The following PACRG variants were observed in gnomAD, a reference collection of about 807,000 sequenced individuals.
The protein encoded by PACRG is parkin coregulated, also known as parkin coregulated gene protein.
In PACRG, 29 loss-of-function variants were observed where a neutral mutation model predicts 29.7. That is an observed-to-expected ratio of 0.98 (90% CI 0.73 to 1.33). The LOEUF (loss-of-function observed/expected upper bound fraction) is 1.33. PACRG is among the 40% of genes most tolerant of loss of function. The probability of loss-of-function intolerance (pLI) is 0.00; values close to 1 mark genes in which losing one functional copy is unlikely to be tolerated. For missense variants in PACRG, 279 were observed against 316.2 expected (o/e 0.88, Z 0.89); for synonymous variants, 116 against 118.7 (o/e 0.98, Z 0.15).
In PACRG at chr6:163,228,943, C is replaced by G. The variant is rs371916989; in HGVS notation, c.614-85884C>G. On this transcript the variant is annotated intron_variant, in intron 4 of 4. Coordinates refer to ENST00000366888, the MANE Select transcript of PACRG (RefSeq NM_001080379.2). Reference sequence around the variant, plus strand: ...TGACCAGTTTACTTTCTCCCTGGACCTGAAAATAGGATGGAAGGGAAGTCT... The same window carrying G: ...TGACCAGTTTACTTTCTCCCTGGACGTGAAAATAGGATGGAAGGGAAGTCT... Among the ~76,000 whole-genome samples the G allele has an allele frequency of 2.6e-4, 40 of 152,264 alleles. No individual in the cohort carries two copies. The East Asian group carries it at 3.1e-3, about 12-fold the overall frequency.
intron 3 of PACRG, among the ~76,000 whole-genome samples, chr6:163,082,464 A>C (rs776452010): frequency 6.6e-6 from 1 of 152,222 alleles, no homozygotes. Flanking sequence ...ATTCTGATCT[A>C]TTAAAACACA....
At chr6:163,252,132 TC>T (rs1488487969) in intron 4 of PACRG, among the ~76,000 whole-genome samples, 1 of 152,142 alleles carries the variant, frequency 6.6e-6, no homozygotes, top group African/African-American at 2.4e-5. Context: ...CCTGCCTGCC[TC>T]ACAATTACCC....
chr6:162,831,395 T>C (rs561542478), intron 2 of PACRG, among the ~76,000 whole-genome samples: 4 of 152,346 alleles, frequency 2.6e-5, no homozygotes, highest in Admixed American at 2.6e-4. Context: ...TCTAAATTCT[T>C]GCCCTGGTAG....
chr6:162,829,948 C>G (rs1788607556), intron 2 of PACRG, among the ~76,000 whole-genome samples: 1 of 152,092 alleles, frequency 6.6e-6, no homozygotes, highest in Non-Finnish European at 1.5e-5. Context: ...AAATGGGACC[C>G]TAACACAAAA....
chr6:162,834,093 G>A (rs1033676888), intron 2 of PACRG, among the ~76,000 whole-genome samples: 1 of 152,082 alleles, frequency 6.6e-6, no homozygotes, highest in African/African-American at 2.4e-5. Flanking sequence ...TTTCATAAGA[G>A]ATTTTTCATG....
In PACRG at chr6:162,739,767, G is replaced by A. The variant is rs574948700; in HGVS notation, c.156+11376G>A. The stretch of plus-strand genomic sequence containing the variant: ...TGAGGCAGGGGACTCACTTGAACCC[G>A]GGAGCCAGAGATTGCAGTGAGCTGA... On this transcript the variant is annotated intron_variant, in intron 1 of 4. Transcript: ENST00000366888. 1.3e-4 allele frequency among the ~76,000 whole-genome samples: 19 copies of A among 150,822 alleles called. No homozygotes were observed. In the South Asian group the frequency reaches 1.7e-3, roughly 13 times the overall value.
chr6:163,147,667 A>G (rs956008380), intron 4 of PACRG, among the ~76,000 whole-genome samples: 3 of 152,202 alleles, frequency 2.0e-5, no homozygotes, highest in Non-Finnish European at 4.4e-5. Flanking sequence ...AATAGTTAGC[A>G]AATGTTCCTC....
chr6:163,264,513 C>T (rs537653483), intron 4 of PACRG, among the ~76,000 whole-genome samples: 12 of 152,272 alleles, frequency 7.9e-5, no homozygotes, highest in African/African-American at 2.2e-4. Context: ...AGGTGCCAGC[C>T]GAAGTCGTTC....
chr6:163,119,128 T>C (rs894555179), intron 4 of PACRG, among the ~76,000 whole-genome samples: 1 of 152,212 alleles, frequency 6.6e-6, no homozygotes, highest in Non-Finnish European at 1.5e-5. Context: ...CAGGGCCATC[T>C]GCTGTGCTCT....
chr6:162,989,126 A>T (rs1249301425), intron 2 of PACRG, among the ~76,000 whole-genome samples: 1 of 152,190 alleles, frequency 6.6e-6, no homozygotes. Flanking sequence ...GGGCAGATTA[A>T]GATTTCAGGT....
chr6:163,158,198 T>C (rs1403743687), intron 4 of PACRG, among the ~76,000 whole-genome samples: 1 of 152,200 alleles, frequency 6.6e-6, no homozygotes, highest in Non-Finnish European at 1.5e-5. Context: ...GGCTGCTGAC[T>C]GTATTAAGAA....
At chr6:163,188,025 G>A (rs1393827559) in intron 4 of PACRG, among the ~76,000 whole-genome samples, 1 of 152,184 alleles carries the variant, frequency 6.6e-6, no homozygotes, top group Non-Finnish European at 1.5e-5. Flanking sequence ...ATATCTCTTT[G>A]AAACACCCCT....
chr6:162,995,812 C>G (rs779349604), intron 2 of PACRG, among the ~76,000 whole-genome samples: 1 of 152,206 alleles, frequency 6.6e-6, no homozygotes. Flanking sequence ...TGTGTATATA[C>G]TACATATTCT....
chr6:163,049,866 G>A (rs1020746351), intron 2 of PACRG, among the ~76,000 whole-genome samples: 2 of 151,940 alleles, frequency 1.3e-5, no homozygotes, highest in African/African-American at 4.8e-5. Flanking sequence ...TGTGAAGCAC[G>A]ACTTGGCAAT....
At chr6:163,114,307 A>AT (rs2016720031) in intron 4 of PACRG, among the ~76,000 whole-genome samples, 1 of 152,160 alleles carries the variant, frequency 6.6e-6, no homozygotes, top group African/African-American at 2.4e-5. Context: ...GCATAGGAGC[A>AT]TTTTTTGTGT....
intron 4 of PACRG, among the ~76,000 whole-genome samples, chr6:163,287,111 C>T (rs1198802569): frequency 6.6e-6 from 1 of 152,046 alleles, no homozygotes; most frequent in Non-Finnish European, 1.5e-5. Context: ...TTGCACCTAA[C>T]TTTTAAAAGT....
rs398003265 is a variant in PACRG at position 163,177,710 on chromosome 6, A to ATTTTTTTTTTTTTTTTTTTTTTTTT, written c.613+88305_613+88329dup. On this transcript the variant is annotated intron_variant, in intron 4 of 4. Transcript: ENST00000366888. ...TGTTAGCTAAGAAATTAGAAAAGGG[A>ATTTTTTTTTTTTTTTTTTTTTTTTT]TTTTTTTTTTTTTTTTTTTTTTTTT... is the stretch of plus-strand genomic sequence containing the variant. 2.4e-4 allele frequency among the ~76,000 whole-genome samples: 13 copies of ATTTTTTTTTTTTTTTTTTTTTTTTT among 53,742 alleles called. 3 individuals are homozygous for ATTTTTTTTTTTTTTTTTTTTTTTTT. Among genetic ancestry groups the ATTTTTTTTTTTTTTTTTTTTTTTTT allele is most frequent in the Admixed American group, 1.1e-3 (3 of 2,638 alleles). The allele number at this position is 53,742 out of a possible 152,430, so 35.3% of individuals were successfully genotyped here. A position where few individuals can be genotyped will look rare whatever the true frequency, so the allele number is the denominator to read the frequency against.
intron 1 of PACRG, among the ~76,000 whole-genome samples, chr6:162,772,838 T>C (rs1783325437): frequency 6.6e-6 from 1 of 152,064 alleles, no homozygotes; most frequent in East Asian, 1.9e-4. Flanking sequence ...GGAAAGAATA[T>C]GAGGGAATGA....
At chr6:162,985,288 T>C (rs75972225) in intron 2 of PACRG, among the ~76,000 whole-genome samples, 9,595 of 151,990 alleles carry the variant, frequency 0.063, 402 homozygotes, top group Non-Finnish European at 0.093. Context: ...CTGATGAACA[T>C]AGACACGAAA....
Sources: allele counts gnomAD v4.1 joint callset (sites outside exome capture counted in the v4.1 genomes callset), GRCh38; gene constraint gnomAD v4.1.1; transcripts MANE v1.5; gene names NCBI Gene and HGNC (gene_info 2026-07-23, HGNC 2026-07-21).